The following STYK1 variants were observed in gnomAD, a reference collection of about 807,000 sequenced individuals.
STYK1 encodes tyrosine-protein kinase STYK1.
In STYK1, 46 loss-of-function variants were observed where a neutral mutation model predicts 48.1. The ratio of observed to expected loss-of-function variants is 0.96; its 90% confidence interval spans 0.75 to 1.22. The LOEUF (loss-of-function observed/expected upper bound fraction) is 1.22, where lower values mean the gene tolerates loss of function less well. Among genes scored for constraint, STYK1 ranks in the 50% most tolerant of loss-of-function variants. The pLI is 0.00. For synonymous variants in STYK1, 188 were observed against 189.0 expected (o/e 0.99, Z 0.04); for missense variants, 527 against 521.1 (o/e 1.01, Z -0.11).
chr12:10,625,070 AAAT>A (rs1947340705), intron 7 of STYK1, among the ~76,000 whole-genome samples: 2 of 152,250 alleles, frequency 1.3e-5, no homozygotes, highest in Admixed American at 6.5e-5. Flanking sequence ...CAAATAATTC[AAAT>A]GACATTAATA....
intron 6 of STYK1, among the ~76,000 whole-genome samples, chr12:10,627,933 G>A (rs1258352567): frequency 6.6e-6 from 1 of 152,242 alleles, no homozygotes; most frequent in African/African-American, 2.4e-5. Context: ...GACAGACATA[G>A]ATGAATAGCA....
At chr12:10,639,912 A>C (rs1237604378) in intron 1 of STYK1, among the ~76,000 whole-genome samples, 1 of 152,338 alleles carries the variant, frequency 6.6e-6, no homozygotes, top group South Asian at 2.1e-4. Context: ...ACCAAATTTT[A>C]CTAACATACA....
intron 10 of STYK1, among the ~76,000 whole-genome samples, chr12:10,621,442 T>C (rs1322586489): frequency 1.3e-5 from 2 of 152,162 alleles, no homozygotes; most frequent in Non-Finnish European, 2.9e-5. Context: ...ACTGGTATAC[T>C]CTGAATGAGT....
At chr12:10,661,580 C>T (rs1160725780) in intron 1 of STYK1, among the ~76,000 whole-genome samples, 3 of 152,220 alleles carry the variant, frequency 2.0e-5, no homozygotes, top group Admixed American at 6.5e-5. Context: ...CCGGTTATAA[C>T]AGCAAACATT....
chr12:10,633,853 C>A, intron 4 of STYK1, 137 bp downstream of exon 4: 1 of 1,037,376 alleles, frequency 9.6e-7, no homozygotes, highest in Non-Finnish European at 1.4e-6. Context: ...CCTCTCAACT[C>A]CATGGGAGGG....
intron 4 of STYK1, among the ~76,000 whole-genome samples, chr12:10,633,221 G>A (rs941075987): frequency 1.1e-4 from 16 of 152,292 alleles, no homozygotes; most frequent in African/African-American, 3.4e-4. Flanking sequence ...CAATGCAGCT[G>A]TCATTGATGA....
chr12:10,655,953 T>C (rs75329804), intron 1 of STYK1, among the ~76,000 whole-genome samples: 4,346 of 152,334 alleles, frequency 0.029, 212 homozygotes, highest in African/African-American at 0.098. Flanking sequence ...AAAGTTTTTT[T>C]CTTCTCAGTT....
At position 10,624,748 on chromosome 12, in the gene STYK1, A is replaced by G; in HGVS notation, c.829T>C (p.Tyr277His). 8 of 1,614,176 alleles carry G rather than the reference A, an allele frequency of 5.0e-6. No individual in the cohort carries two copies. The highest frequency in any genetic ancestry group is 6.8e-6 in the Non-Finnish European group (8 of 1,180,028). ...GTAGAGGAGATGGCCCCTCGGGTGTAAACTTCATAAGCCAGGCCTAATCCA... is the reference window on the plus strand; with the variant it reads ...GTAGAGGAGATGGCCCCTCGGGTGTGAACTTCATAAGCCAGGCCTAATCCA... ...LCGLGLAYEVYTRGAISSTQT... is the reference protein window; with the variant it reads ...LCGLGLAYEVHTRGAISSTQT... Residue 277 changes from tyrosine to histidine, a missense_variant, in exon 8 of 11, where the codon TAC becomes CAC. Transcript: ENST00000075503.
chr12:10,652,508 C>T (rs1303661756), intron 1 of STYK1, among the ~76,000 whole-genome samples: 1 of 152,208 alleles, frequency 6.6e-6, no homozygotes, highest in East Asian at 1.9e-4. Flanking sequence ...TTCCCCACAT[C>T]CTTCCCTCTC....
intron 1 of STYK1, among the ~76,000 whole-genome samples, chr12:10,660,812 A>G (rs1947768834): frequency 6.6e-6 from 1 of 152,180 alleles, no homozygotes. Context: ...TCAGGAAGTT[A>G]CCCTATATGG....
intron 6 of STYK1, among the ~76,000 whole-genome samples, 161 bp from the exon 7 acceptor site, chr12:10,627,885 C>A (rs1947377384): frequency 6.6e-6 from 1 of 152,132 alleles, no homozygotes; most frequent in African/African-American, 2.4e-5. Context: ...TTCAGATAGG[C>A]AGAGACATAA....
At chr12:10,650,765 C>T (rs189527414) in intron 1 of STYK1, among the ~76,000 whole-genome samples, 11 of 152,070 alleles carry the variant, frequency 7.2e-5, no homozygotes, top group Admixed American at 5.9e-4. Context: ...CTTTGGGAGG[C>T]GGAGGCAGGC....
intron 1 of STYK1, among the ~76,000 whole-genome samples, chr12:10,645,008 T>C (rs527509091): frequency 1.3e-5 from 2 of 151,816 alleles, no homozygotes; most frequent in South Asian, 4.2e-4. Context: ...TTCCAACGGA[T>C]AAGGGCTACA....
intron 1 of STYK1, among the ~76,000 whole-genome samples, chr12:10,673,095 A>G (rs1036831137): frequency 2.0e-5 from 3 of 152,204 alleles, no homozygotes; most frequent in Non-Finnish European, 4.4e-5. Flanking sequence ...GGAAGCAACA[A>G]TCGCATAAAT....
At chr12:10,638,883 C>T (rs976875424) in intron 1 of STYK1, among the ~76,000 whole-genome samples, 2 of 152,232 alleles carry the variant, frequency 1.3e-5, no homozygotes, top group African/African-American at 4.8e-5. Context: ...CACCTTCAAC[C>T]TTACTGCTTG....
chr12:10,654,204 T>C (rs1406980515), intron 1 of STYK1, among the ~76,000 whole-genome samples: 4 of 152,188 alleles, frequency 2.6e-5, no homozygotes, highest in Admixed American at 2.0e-4. Flanking sequence ...GGGTGGAACC[T>C]TCACTTCCCA....
intron 1 of STYK1, among the ~76,000 whole-genome samples, chr12:10,656,199 A>G (rs1947716130): frequency 6.6e-6 from 1 of 152,196 alleles, no homozygotes; most frequent in Non-Finnish European, 1.5e-5. Context: ...GGCAAAAGAC[A>G]TGGCTTTCTC....
At chr12:10,632,139 C>A (rs1446468253) in intron 4 of STYK1, among the ~76,000 whole-genome samples, 1 of 151,558 alleles carries the variant, frequency 6.6e-6, no homozygotes, top group Admixed American at 6.6e-5. Flanking sequence ...ATCTCCTGAG[C>A]CCAGGAGATC....
chr12:10,644,315 G>A (rs1947576916), intron 1 of STYK1, among the ~76,000 whole-genome samples: 1 of 152,122 alleles, frequency 6.6e-6, no homozygotes, highest in Admixed American at 6.5e-5. Context: ...TGCACAGAGA[G>A]GAAAAAGATA....
Sources: gnomAD v4.1 joint callset for allele counts (sites outside exome capture counted in the v4.1 genomes callset) on GRCh38, gnomAD v4.1.1 for gene constraint, MANE v1.5 for transcripts, NCBI Gene and HGNC (gene_info 2026-07-23, HGNC 2026-07-21) for gene names.